Variants in ARSG observed in about 807,000 individuals in gnomAD.
The protein encoded by ARSG is ASG.
Under a neutral mutation model 50.5 loss-of-function variants are expected in ARSG, and 37 were observed. The observed-to-expected ratio is 0.73, with a 90% CI of 0.56 to 0.96. The LOEUF is 0.96. Ranked by LOEUF, ARSG falls within the 50% of genes least tolerant of loss-of-function variation. The probability of loss-of-function intolerance (pLI) is 0.00; values close to 1 mark genes in which losing one functional copy is unlikely to be tolerated. For synonymous variants in ARSG, 225 were observed against 254.6 expected (o/e 0.88, Z 1.11); for missense variants, 629 against 675.3 (o/e 0.93, Z 0.76).
At chr17:68,344,315 T>C (rs140745097) in intron 3 of ARSG, among the ~76,000 whole-genome samples, 1 of 152,308 alleles carries the variant, frequency 6.6e-6, no homozygotes, top group Non-Finnish European at 1.5e-5. Flanking sequence ...GGGACAGCAT[T>C]GTAGTGACTG....
At chr17:68,450,630 A>T in the ARSG span, 1 of 1,445,078 alleles carries the variant, frequency 6.9e-7, no homozygotes. Flanking sequence ...TTAGAATTGG[A>T]AGCTTGTTTT....
chr17:68,309,148 C>T (rs1014746518), intron 2 of ARSG, among the ~76,000 whole-genome samples: 3 of 152,244 alleles, frequency 2.0e-5, no homozygotes, highest in Non-Finnish European at 4.4e-5. Flanking sequence ...CAGCTGCTGG[C>T]CCGGGTTCTA....
At chr17:68,366,959 T>C (rs973558421) in intron 6 of ARSG, among the ~76,000 whole-genome samples, 1 of 152,208 alleles carries the variant, frequency 6.6e-6, no homozygotes, top group Admixed American at 6.5e-5. Flanking sequence ...TTGACTATTA[T>C]GGGTACCTCA....
chr17:68,436,987 C>T, the ARSG span, among the ~76,000 whole-genome samples: 40 of 105,724 alleles, frequency 3.8e-4, no homozygotes, highest in East Asian at 5.0e-3. Context: ...GAGTGAGACC[C>T]CGTCTCAAAA....
intron 1 of ARSG, among the ~76,000 whole-genome samples, chr17:68,281,458 C>A (rs782103642): frequency 6.6e-6 from 1 of 151,964 alleles, no homozygotes; most frequent in African/African-American, 2.4e-5. Context: ...ACCTGTAGTC[C>A]CAGCTACTCG....
downstream of ARSG, chr17:68,427,123 G>A (rs778612490): frequency 2.2e-5 from 35 of 1,609,338 alleles, no homozygotes; most frequent in African/African-American, 9.4e-5. Context: ...TGTTGGCCCC[G>A]TGTCCACCCA....
chr17:68,321,423 G>T (rs1391204285), intron 2 of ARSG, among the ~76,000 whole-genome samples: 1 of 152,120 alleles, frequency 6.6e-6, no homozygotes, highest in African/African-American at 2.4e-5. Context: ...TTTTATTTCA[G>T]CTACTTTCCA....
At chr17:68,437,554 G>GAA in the ARSG span, among the ~76,000 whole-genome samples, 2 of 133,348 alleles carry the variant, frequency 1.5e-5, no homozygotes, top group Admixed American at 1.5e-4. Context: ...TCTGTCTTAA[G>GAA]AAAAAAAAAA....
chr17:68,317,190 A>G (rs2077100215), intron 2 of ARSG, among the ~76,000 whole-genome samples: 1 of 152,154 alleles, frequency 6.6e-6, no homozygotes. Flanking sequence ...CGGTGACTTC[A>G]TATTTTGGTA....
intron 5 of ARSG, among the ~76,000 whole-genome samples, chr17:68,353,101 T>TA (rs1370480955): frequency 6.6e-6 from 1 of 152,064 alleles, no homozygotes; most frequent in Non-Finnish European, 1.5e-5. Flanking sequence ...TGTCTATATT[T>TA]ATCTGTAATC....
At chr17:68,311,685 G>A (rs547392170) in intron 2 of ARSG, among the ~76,000 whole-genome samples, 18 of 151,988 alleles carry the variant, frequency 1.2e-4, no homozygotes, top group African/African-American at 2.4e-4. Flanking sequence ...ACCAAGGACC[G>A]CTGGCAACCA....
At chr17:68,421,476 C>G (rs2082768139), downstream of ARSG, 5 of 388,636 alleles carry the variant, frequency 1.3e-5, no homozygotes, top group South Asian at 2.1e-4. Flanking sequence ...AAAAGGAGGC[C>G]CCTTTTAATA....
chr17:68,376,275 G>T (rs1353633581), intron 8 of ARSG, among the ~76,000 whole-genome samples: 2 of 70,620 alleles, frequency 2.8e-5, no homozygotes, highest in Non-Finnish European at 5.4e-5. Context: ...TGCGCCCCCT[G>T]CATTTTTTTT....
rs151245194 is a variant in ARSG at position 68,399,017 on chromosome 17, G to T, written c.1213-2343G>T. Among the ~76,000 whole-genome samples the T allele has an allele frequency of 2.0e-5, 3 of 152,166 alleles. No individual in the cohort carries two copies. The highest frequency in any genetic ancestry group is 4.4e-5 in the Non-Finnish European group (3 of 68,030). On this transcript the variant is annotated intron_variant, in intron 10 of 11. Transcript: ENST00000621439. The surrounding 1 kb of genome is among the most constrained non-coding windows in gnomAD (Gnocchi z 4.6). ...TGGTAACATCATCACTGGTCAGGTC[G>T]TGTCTTAGCCCCAGGTTGTCATGAT...
In ARSG at chr17:68,331,180, T is replaced by G. The variant is rs1391807161; in HGVS notation, c.219-12424T>G. 3.0e-4 allele frequency among the ~76,000 whole-genome samples: 7 copies of G among 23,210 alleles called. No individual in the cohort carries two copies. The East Asian group carries it at 5.9e-3, about 20-fold the overall frequency. The allele number at this position is 23,210 out of a possible 152,430, so 15.2% of individuals were successfully genotyped here. The stretch of plus-strand genomic sequence containing the variant: ...TTTGTATTTTAGCAAAGACAGGGTT[T>G]CTTTCTTTCTTTCTTTCTTTCTTTC... On this transcript the variant is annotated intron_variant, in intron 2 of 11. Transcript: ENST00000621439.
At position 68,367,947 on chromosome 17, in the gene ARSG, G is replaced by A. The variant is rs550814336; in HGVS notation, c.705-601G>A. Among the ~76,000 whole-genome samples the A allele has an allele frequency of 2.0e-5, 3 of 152,128 alleles. No individual in the cohort carries two copies. Among genetic ancestry groups the A allele is most frequent in the African/African-American group, 7.2e-5 (3 of 41,428 alleles). On this transcript the variant is annotated intron_variant, in intron 6 of 11. Coordinates refer to ENST00000621439, the MANE Select transcript of ARSG (RefSeq NM_001267727.2). The surrounding 1 kb of genome is among the most constrained non-coding windows in gnomAD (Gnocchi z 4.5). ...TAGACGGGCATGGGGGTGGGCACCTGTAATTCCAGCTACTCAGGAGGCTGA... is the reference window on the plus strand; with the variant it reads ...TAGACGGGCATGGGGGTGGGCACCTATAATTCCAGCTACTCAGGAGGCTGA...
chr17:68,307,464 C>T lies in ARSG; in HGVS notation c.-30C>T, dbSNP rs782334681. 5.6e-5 allele frequency: 88 copies of T among 1,582,530 alleles called. No homozygotes were observed. The highest frequency in any genetic ancestry group is 7.5e-5 in the Non-Finnish European group (87 of 1,154,648). On this transcript the variant is annotated 5_prime_UTR_variant, in exon 2 of 12. Coordinates refer to ENST00000621439, the MANE Select transcript of ARSG (RefSeq NM_001267727.2). ...ATCTCTAGTGGTGGCTGCCGTCGCT[C>T]CAGACAATCGGAATCCTGCCTTCAC... is the stretch of plus-strand genomic sequence containing the variant.
chr17:68,319,478 G>A (rs935767007), intron 2 of ARSG, among the ~76,000 whole-genome samples: 1 of 152,202 alleles, frequency 6.6e-6, no homozygotes, highest in Non-Finnish European at 1.5e-5. Flanking sequence ...CTGTTTGATA[G>A]ATGGGGACAG....
At chr17:68,313,952 TAC>T (rs1555767631) in intron 2 of ARSG, among the ~76,000 whole-genome samples, 1 of 152,074 alleles carries the variant, frequency 6.6e-6, no homozygotes, top group African/African-American at 2.4e-5. Context: ...GTGCTGGGAT[TAC>T]AAGCGTGAGC....
Sources: allele counts gnomAD v4.1 joint callset (sites outside exome capture counted in the v4.1 genomes callset), GRCh38; gene constraint gnomAD v4.1.1; non-coding constraint Gnocchi (gnomAD v3.1); transcripts MANE v1.5; gene names NCBI Gene and HGNC (gene_info 2026-07-23, HGNC 2026-07-21).